The following RIMS1 variants were observed in gnomAD, a reference collection of about 807,000 sequenced individuals.
RIMS1 encodes regulating synaptic membrane exocytosis 1.
RIMS1 carries 83 observed loss-of-function variants against 214.1 expected under a neutral mutation model. That is an observed-to-expected ratio of 0.39 (90% CI 0.32 to 0.47). The LOEUF is 0.47. Ranked by LOEUF, RIMS1 falls within the 20% of genes least tolerant of loss-of-function variation. The pLI, the probability that RIMS1 is intolerant of heterozygous loss-of-function variation, is 0.99. For synonymous variants in RIMS1, 793 were observed against 786.8 expected (o/e 1.01, Z -0.13); for missense variants, 2,050 against 2,161.8 (o/e 0.95, Z 1.03).
intron 2 of RIMS1, among the ~76,000 whole-genome samples, chr6:71,984,769 GTACATATCTATCTATCTATC>G (rs1452905695): frequency 1.2e-4 from 15 of 125,090 alleles, no homozygotes; most frequent in African/African-American, 4.4e-4. Context: ...ATGTATGTAT[GTACATATCTATCTATCTATC>G]TATCTATCTA....
At chr6:72,383,609 A>AG (rs1491513445) in intron 29 of RIMS1, among the ~76,000 whole-genome samples, 1 of 44,058 alleles carries the variant, frequency 2.3e-5, no homozygotes, top group Non-Finnish European at 5.7e-5. Context: ...CCCCATCTCT[A>AG]AAAAAAAAAA....
intron 4 of RIMS1, among the ~76,000 whole-genome samples, chr6:72,179,042 CT>C (rs1476577398): frequency 6.6e-6 from 1 of 151,922 alleles, no homozygotes; most frequent in African/African-American, 2.4e-5. Flanking sequence ...ACACATTGAC[CT>C]TTTTTGTGTG....
chr6:72,141,857 A>T (rs1393497089), intron 4 of RIMS1, among the ~76,000 whole-genome samples: 1 of 152,020 alleles, frequency 6.6e-6, no homozygotes. Context: ...ATCACTGTGG[A>T]CAAGTTATCT....
At chr6:72,287,717 T>C (rs1346014675) in intron 24 of RIMS1, among the ~76,000 whole-genome samples, 1 of 151,878 alleles carries the variant, frequency 6.6e-6, no homozygotes, top group Non-Finnish European at 1.5e-5. Flanking sequence ...TGCCTCAGCC[T>C]CCTGAGTAGC....
In RIMS1 at chr6:72,089,098, G is replaced by A. The variant is rs573482873; in HGVS notation, c.246-7851G>A. On this transcript the variant is annotated intron_variant, in intron 2 of 33. Coordinates refer to ENST00000521978, the MANE Select transcript of RIMS1 (RefSeq NM_014989.7). The stretch of plus-strand genomic sequence containing the variant: ...AGATTAGAGGATTGTAGCTGAAGTG[G>A]AAGACTGACCCTCACAATATACATT... Among the ~76,000 whole-genome samples the A allele has an allele frequency of 3.9e-5, 6 of 152,244 alleles. No individual in the cohort carries two copies. The South Asian group carries it at 6.2e-4, about 16-fold the overall frequency.
rs570993264 is a variant in RIMS1, at chr6:72,060,583, T to A, written c.246-36366T>A. 2.6e-5 allele frequency among the ~76,000 whole-genome samples: 4 copies of A among 152,314 alleles called. No homozygotes were observed. In the South Asian group the frequency reaches 8.3e-4, roughly 32 times the overall value. The stretch of plus-strand genomic sequence containing the variant: ...TACCAGATCACAGCTTGTACATTTA[T>A]ACCTCTTCTCTTTCTTATGCATTTT... On this transcript the variant is annotated intron_variant, in intron 2 of 33. Coordinates refer to ENST00000521978, the MANE Select transcript of RIMS1 (RefSeq NM_014989.7).
At chr6:71,956,222 T>C (rs1387211074) in intron 1 of RIMS1, among the ~76,000 whole-genome samples, 4 of 152,108 alleles carry the variant, frequency 2.6e-5, no homozygotes, top group African/African-American at 4.8e-5. Flanking sequence ...GTATCTAATT[T>C]AGAAAATGCA....
At chr6:72,186,890 G>A (rs1306515099) in intron 6 of RIMS1, among the ~76,000 whole-genome samples, 1 of 152,060 alleles carries the variant, frequency 6.6e-6, no homozygotes, top group African/African-American at 2.4e-5. Context: ...CAGCACTTTG[G>A]GAGGCCGAGG....
chr6:71,966,453 A>C (rs189367947), intron 1 of RIMS1, among the ~76,000 whole-genome samples: 1 of 152,342 alleles, frequency 6.6e-6, no homozygotes, highest in Admixed American at 6.5e-5. Context: ...ATTTTAAACC[A>C]AAACCACTGG....
At chr6:72,159,770 C>G (rs1481841402) in intron 4 of RIMS1, among the ~76,000 whole-genome samples, 1 of 139,756 alleles carries the variant, frequency 7.2e-6, no homozygotes, top group African/African-American at 2.5e-5. Context: ...GGTACCAGTA[C>G]CATGCTGTTT....
rs753920737 is a variant in RIMS1 at position 72,182,824 on chromosome 6, G to A, written c.1353G>A (p.Ala451=). 9.0e-6 allele frequency: 14 copies of A among 1,550,514 alleles called. No individual in the cohort carries two copies. Among genetic ancestry groups the A allele is most frequent in the Non-Finnish European group, 1.2e-5 (14 of 1,150,356 alleles). ...AGCTAACGAACCACAGCCCGCCGGC[G>A]CCCAGACATGGGCCGGTTCCCGCAG... ...AKQLTNHSPP[A]PRHGPVPAEA... The change falls in exon 6 of 34, where the codon GCG becomes GCA. Residue 451 remains alanine, a synonymous_variant. Transcript: ENST00000521978.
rs1184964123 is a variant in RIMS1 at position 72,235,628 on chromosome 6, C to T, written c.1757C>T (p.Thr586Met). The change falls in exon 8 of 34, where the codon ACG becomes ATG. Residue 586 changes from threonine (T) to methionine (M), a missense_variant. Coordinates refer to ENST00000521978, the MANE Select transcript of RIMS1 (RefSeq NM_014989.7). ...TTCATGTTTTAACAGCATCCTGTAA[C>T]GTGGCAACCATCTAAAGAGGGGGAC... ...ETSPISSHPV[T>M]WQPSKEGDRL... 1.1e-5 allele frequency: 17 copies of T among 1,607,456 alleles called. No homozygotes were observed. The highest frequency in any genetic ancestry group is 3.4e-5 in the Admixed American group (2 of 59,538).
intron 9 of RIMS1, among the ~76,000 whole-genome samples, chr6:72,241,726 A>G (rs1013199757): frequency 6.6e-6 from 1 of 152,114 alleles, no homozygotes; most frequent in Admixed American, 6.6e-5. Flanking sequence ...CTTGCTTTGT[A>G]ATTTTGCCAT....
intron 22 of RIMS1, among the ~76,000 whole-genome samples, chr6:72,267,607 C>T (rs1392241694): frequency 1.3e-5 from 2 of 152,088 alleles, no homozygotes; most frequent in African/African-American, 2.4e-5. Context: ...TTTGTACTTG[C>T]ACCACTCCCA....
chr6:72,026,996 A>G (rs1421379949), intron 2 of RIMS1, among the ~76,000 whole-genome samples: 1 of 152,218 alleles, frequency 6.6e-6, no homozygotes, highest in Non-Finnish European at 1.5e-5. Context: ...TTTAAGCTCT[A>G]AATTCAGTGA....
intron 19 of RIMS1, 66 bp downstream of exon 19, chr6:72,260,833 C>A (rs1330604199): frequency 1.0e-5 from 16 of 1,584,730 alleles, no homozygotes; most frequent in Admixed American, 7.1e-5. Flanking sequence ...ATTATTCTTC[C>A]GTCTCTCCCT....
chr6:72,106,496 T>C (rs1444670426), intron 4 of RIMS1, among the ~76,000 whole-genome samples: 1 of 152,158 alleles, frequency 6.6e-6, no homozygotes, highest in Non-Finnish European at 1.5e-5. Context: ...TGTGCAATTA[T>C]AATGTTTTTC....
intron 2 of RIMS1, among the ~76,000 whole-genome samples, chr6:71,992,435 TTTCTTTC>T (rs1255156627): frequency 4.7e-5 from 7 of 148,822 alleles, no homozygotes; most frequent in Non-Finnish European, 8.9e-5. Context: ...TCTTTCTTTC[TTTCTTTC>T]TTTCTTTCTC....
At chr6:71,897,002 C>T (rs922417493) in intron 1 of RIMS1, among the ~76,000 whole-genome samples, 1 of 152,116 alleles carries the variant, frequency 6.6e-6, no homozygotes, top group Non-Finnish European at 1.5e-5. Flanking sequence ...ATTTCTCTAC[C>T]TGAGTGTCCT....
Sources: allele counts gnomAD v4.1 joint callset (sites outside exome capture counted in the v4.1 genomes callset), GRCh38; gene constraint gnomAD v4.1.1; transcripts MANE v1.5; gene names NCBI Gene and HGNC (gene_info 2026-07-23, HGNC 2026-07-21).